The following EIPR1 variants were observed in gnomAD, a reference collection of about 807,000 sequenced individuals.
The protein encoded by EIPR1 is EARP complex and GARP complex interacting protein 1.
EIPR1 carries 25 observed loss-of-function variants against 48.1 expected under a neutral mutation model. That is an observed-to-expected ratio of 0.52 (90% CI 0.38 to 0.73). EIPR1 has a LOEUF of 0.73. Among genes scored for constraint, EIPR1 ranks in the 30% least tolerant of loss-of-function variants. EIPR1 has a pLI of 0.00. For synonymous variants in EIPR1, 204 were observed against 201.9 expected, an observed-to-expected ratio of 1.01 and a Z score of -0.09; for missense variants, 415 against 506.2, an observed-to-expected ratio of 0.82 and a Z score of 1.73.
intron 3 of EIPR1, among the ~76,000 whole-genome samples, chr2:3,326,656 G>A (rs1292226125): frequency 1.3e-5 from 2 of 152,154 alleles, no homozygotes; most frequent in Non-Finnish European, 2.9e-5. Flanking sequence ...AACCCATTCC[G>A]CGTCACACAC....
chr2:3,237,923 T>A (rs1666467796), intron 4 of EIPR1, among the ~76,000 whole-genome samples: 1 of 152,190 alleles, frequency 6.6e-6, no homozygotes, highest in African/African-American at 2.4e-5. Context: ...AGGCTGAACG[T>A]GGTGCTGCCC....
At chr2:3,238,479 C>G (rs948831164) in intron 4 of EIPR1, among the ~76,000 whole-genome samples, 1 of 152,316 alleles carries the variant, frequency 6.6e-6, no homozygotes, top group South Asian at 2.1e-4. Context: ...AAGGCTAATG[C>G]ACAAAGTGGG....
chr2:3,327,065 G>A (rs1330756425), intron 3 of EIPR1, among the ~76,000 whole-genome samples: 2 of 152,252 alleles, frequency 1.3e-5, no homozygotes, highest in African/African-American at 4.8e-5. Flanking sequence ...AGGAAACAGG[G>A]AGACAAGTGC....
rs1049225749 is a variant in EIPR1 at position 3,257,605 on chromosome 2, G to A, written c.260-150C>T. 44 of 892,760 alleles carry A rather than the reference G, an allele frequency of 4.9e-5. No individual in the cohort carries two copies. In the Middle Eastern group the frequency reaches 2.0e-3, roughly 41 times the overall value. 55.3% of individuals were successfully genotyped at this position (892,760 alleles called of 1,614,324 possible). A position where few individuals can be genotyped will look rare whatever the true frequency, so the allele number is the denominator to read the frequency against. On this transcript the variant is annotated intron_variant, in intron 3 of 8. Transcript: ENST00000382125. ...TTGCAGGCAGCAAAGACGGAGCAGG[G>A]AGAAGCACAGCCTGAGTCGGCAGGC...
At chr2:3,299,344 A>C (rs12624123) in intron 3 of EIPR1, among the ~76,000 whole-genome samples, 1 of 134,706 alleles carries the variant, frequency 7.4e-6, no homozygotes, top group South Asian at 2.3e-4. Context: ...CTTGTCCTGC[A>C]GTGCTCGGCC....
chr2:3,295,120 T>A (rs562581535), intron 3 of EIPR1, among the ~76,000 whole-genome samples: 16 of 128,552 alleles, frequency 1.2e-4, no homozygotes, highest in South Asian at 5.5e-4. Context: ...ATCCAGCCCA[T>A]CCTCTCTCCA....
chr2:3,225,417 T>A (rs1415495164), intron 4 of EIPR1, among the ~76,000 whole-genome samples: 1 of 152,092 alleles, frequency 6.6e-6, no homozygotes, highest in Non-Finnish European at 1.5e-5. Context: ...GGTTAATTTT[T>A]AAATTTTTTG....
At chr2:3,359,772 C>T (rs62119522) in intron 1 of EIPR1, among the ~76,000 whole-genome samples, 24,659 of 152,052 alleles carry the variant, frequency 0.16, 2,202 homozygotes, top group Non-Finnish European at 0.2. Context: ...GACCTTATTA[C>T]AAAAGATCAA....
At chr2:3,235,990 A>G (rs1458744113) in intron 4 of EIPR1, among the ~76,000 whole-genome samples, 1 of 152,146 alleles carries the variant, frequency 6.6e-6, no homozygotes, top group African/African-American at 2.4e-5. Flanking sequence ...CCAAATGGGC[A>G]CTAGTAATCA....
chr2:3,290,876 G>A (rs1041492997), intron 3 of EIPR1, among the ~76,000 whole-genome samples: 14 of 152,196 alleles, frequency 9.2e-5, no homozygotes, highest in East Asian at 1.9e-4. Flanking sequence ...ATCACGGCCC[G>A]AGCAATGCAA....
rs758011935 is a variant in EIPR1, at chr2:3,189,360, C to T, written c.1138G>A (p.Ala380Thr). The T allele has an allele frequency of 3.8e-6, 6 of 1,599,566 alleles. No individual in the cohort carries two copies. Among genetic ancestry groups the T allele is most frequent in the Non-Finnish European group, 3.4e-6 (4 of 1,170,902 alleles). Residue 380 changes from alanine (A) to threonine (T), a missense_variant, in exon 9 of 9, where the codon GCC (alanine) becomes ACC (threonine). By Grantham distance (58) the Ala-to-Thr change is moderately conservative. Coordinates refer to ENST00000382125, the MANE Select transcript of EIPR1 (RefSeq NM_003310.5). The surrounding 1 kb of genome is among the most constrained non-coding windows in gnomAD (Gnocchi z 4.6). ...CATAGCAGGATGTGGTACTTCAGGG[C>T]CCTGGGCACCCTGTTGATCACGAGC... ...GRLVINRVPRALKYHILL is the reference protein window; with the variant it reads ...GRLVINRVPRTLKYHILL
At chr2:3,323,369 G>T (rs545260243) in intron 3 of EIPR1, among the ~76,000 whole-genome samples, 7 of 152,166 alleles carry the variant, frequency 4.6e-5, no homozygotes, top group Non-Finnish European at 8.8e-5. Context: ...CAGTATCCCC[G>T]GCTTCCTACG....
At chr2:3,210,928 T>G (rs1018948565) in intron 5 of EIPR1, among the ~76,000 whole-genome samples, 20 of 152,140 alleles carry the variant, frequency 1.3e-4, no homozygotes, top group Non-Finnish European at 2.6e-4. Context: ...CGTGAGCCAC[T>G]GCCCCTGGCC....
At chr2:3,313,360 G>A (rs1669185804) in intron 3 of EIPR1, among the ~76,000 whole-genome samples, 2 of 150,546 alleles carry the variant, frequency 1.3e-5, no homozygotes, top group East Asian at 1.9e-4. Flanking sequence ...TGCCGCCTGA[G>A]AGTTAAAAAA....
In EIPR1 at chr2:3,278,296, T is replaced by C. The variant is rs534796818; in HGVS notation, c.260-20841A>G. ...CATCCACACCACATGCAGACTGTGG[T>C]TGGTGCCACTGCCCACATGCCCTGC... is the stretch of plus-strand genomic sequence containing the variant. On this transcript the variant is annotated intron_variant, in intron 3 of 8. Transcript: ENST00000382125. Among the ~76,000 whole-genome samples, 3 of 152,288 alleles carry C rather than the reference T, an allele frequency of 2.0e-5. No individual in the cohort carries two copies. The South Asian group carries it at 6.2e-4, about 32-fold the overall frequency.
At chr2:3,289,043 G>T (rs972660551) in intron 3 of EIPR1, among the ~76,000 whole-genome samples, 2 of 152,250 alleles carry the variant, frequency 1.3e-5, no homozygotes, top group Non-Finnish European at 1.5e-5. Flanking sequence ...CTCACGCACT[G>T]CTCAGCTTTC....
In EIPR1 at chr2:3,199,064, CCCCCCCCG is replaced by C. The variant is rs1664914084; in HGVS notation, c.517-2055_517-2048del. 1.6e-4 allele frequency among the ~76,000 whole-genome samples: 7 copies of C among 43,814 alleles called. 3 individuals carry two copies. The highest frequency in any genetic ancestry group is 2.9e-4 in the Non-Finnish European group (4 of 13,608). The allele number at this position is 43,814 out of a possible 152,430, so 28.7% of individuals were successfully genotyped here. A position where few individuals can be genotyped will look rare whatever the true frequency, so the allele number is the denominator to read the frequency against. The stretch of plus-strand genomic sequence containing the variant: ...CCCAGAGTGGCCATTTTAGAGGGCC[CCCCCCCCG>C]CCCCGGGAATGCATTCTTTTCCCGG... On this transcript the variant is annotated intron_variant, in intron 5 of 8. Transcript: ENST00000382125.
At chr2:3,293,889 C>T (rs904765831) in intron 3 of EIPR1, among the ~76,000 whole-genome samples, 5 of 152,104 alleles carry the variant, frequency 3.3e-5, no homozygotes, top group Non-Finnish European at 5.9e-5. Context: ...GCTACAGAAA[C>T]CACACATTAT....
chr2:3,251,008 G>A (rs1208594553), intron 4 of EIPR1, among the ~76,000 whole-genome samples: 1 of 151,996 alleles, frequency 6.6e-6, no homozygotes, highest in African/African-American at 2.4e-5. Flanking sequence ...ACTAACAGAG[G>A]CAGCTAACAC....
Sources: gnomAD v4.1 joint callset for allele counts (sites outside exome capture counted in the v4.1 genomes callset) on GRCh38, gnomAD v4.1.1 for gene constraint, Gnocchi (gnomAD v3.1) non-coding constraint, MANE v1.5 for transcripts, NCBI Gene and HGNC (gene_info 2026-07-23, HGNC 2026-07-21) for gene names.